AGBL1: variants seen among roughly 807,000 people sequenced by gnomAD.
AGBL1 encodes the protein AGBL carboxypeptidase 1, also known as cytosolic carboxypeptidase 4.
In AGBL1, 130 loss-of-function variants were observed where a neutral mutation model predicts 118.9. That is an observed-to-expected ratio of 1.09 (90% CI 0.95 to 1.26). The LOEUF is 1.26. Ranked by LOEUF, AGBL1 falls within the 50% of genes most tolerant of loss-of-function variation. The pLI is 0.00. For synonymous variants in AGBL1, 555 were observed against 478.9 expected (o/e 1.16, Z -2.08); for missense variants, 1,584 against 1,298.1 (o/e 1.22, Z -3.38).
At chr15:86,817,410 G>T (rs1469424292) in intron 22 of AGBL1, among the ~76,000 whole-genome samples, 1 of 151,184 alleles carries the variant, frequency 6.6e-6, no homozygotes, top group Non-Finnish European at 1.5e-5. Context: ...CGATGTTGTG[G>T]GTTGTGGCCT....
At chr15:86,870,121 G>A (rs888537339) in intron 22 of AGBL1, among the ~76,000 whole-genome samples, 2 of 152,062 alleles carry the variant, frequency 1.3e-5, no homozygotes, top group Non-Finnish European at 2.9e-5. Context: ...AGAGATTCAT[G>A]TTTATAATTG....
intron 22 of AGBL1, among the ~76,000 whole-genome samples, chr15:86,900,027 G>A (rs1005664272): frequency 2.0e-4 from 30 of 152,126 alleles, no homozygotes; most frequent in Non-Finnish European, 1.0e-4. Context: ...TCTTTCTCCC[G>A]TGCTGGATGC....
In AGBL1 at chr15:86,514,009, T is replaced by C. The variant is rs182907868; in HGVS notation, c.2556-8801T>C. The stretch of plus-strand genomic sequence containing the variant: ...CAGGCATTTCTTCAAGCAGCCCTGG[T>C]TTCTTTTATTCAATAATGGTATTTA... On this transcript the variant is annotated intron_variant, in intron 18 of 22. Transcript: ENST00000614907. 1.4e-3 allele frequency among the ~76,000 whole-genome samples: 213 copies of C among 152,144 alleles called. 4 individuals carry two copies. Among genetic ancestry groups the C allele is most frequent in the African/African-American group, 5.0e-3 (208 of 41,550 alleles).
chr15:86,409,748 T>C (rs1465088812), intron 18 of AGBL1, among the ~76,000 whole-genome samples: 1 of 152,168 alleles, frequency 6.6e-6, no homozygotes. Context: ...GAATCATTGA[T>C]CAAGTTGGGG....
intron 22 of AGBL1, among the ~76,000 whole-genome samples, chr15:86,872,095 CACAGAG>C (rs2079737713): frequency 2.0e-5 from 3 of 152,166 alleles, no homozygotes; most frequent in Non-Finnish European, 4.4e-5. Flanking sequence ...AGAACTCAAA[CACAGAG>C]CAGATTCCAA....
intron 22 of AGBL1, among the ~76,000 whole-genome samples, chr15:86,813,121 C>T (rs889413462): frequency 6.6e-5 from 10 of 151,768 alleles, no homozygotes; most frequent in African/African-American, 2.2e-4. Context: ...TGAGGGAGTG[C>T]GTACAAGGAG....
chr15:86,151,846 A>T (rs1194880297), intron 3 of AGBL1, among the ~76,000 whole-genome samples: 1 of 152,224 alleles, frequency 6.6e-6, no homozygotes, highest in Non-Finnish European at 1.5e-5. Context: ...TACAAAATCA[A>T]TGTGCAAAAA....
intron 17 of AGBL1, among the ~76,000 whole-genome samples, chr15:86,365,612 T>G (rs2080874934): frequency 6.6e-6 from 1 of 152,222 alleles, no homozygotes; most frequent in African/African-American, 2.4e-5. Context: ...TTTATCTCTT[T>G]ACAGAGCTGC....
chr15:86,934,935 C>T lies in AGBL1; in HGVS notation c.3222-53052C>T, dbSNP rs572956898. The T allele has an allele frequency of 3.9e-5, 6 of 152,302 alleles. No homozygotes were observed. The South Asian group carries it at 1.0e-3, about 26-fold the overall frequency. 9.4% of individuals were successfully genotyped at this position (152,302 alleles called of 1,614,324 possible). A position where few individuals can be genotyped will look rare whatever the true frequency, so the allele number is the denominator to read the frequency against. On this transcript the variant is annotated intron_variant, in intron 23 of 24. Coordinates refer to the AGBL1 transcript ENST00000441037. Reference sequence around the variant, plus strand: ...ATACTCCAGATATTCTGGATCCATTCTCCTCCTGATATCACACCAAATTTT... The same window carrying T: ...ATACTCCAGATATTCTGGATCCATTTTCCTCCTGATATCACACCAAATTTT...
At chr15:86,277,563 C>T (rs1173016966) in intron 15 of AGBL1, among the ~76,000 whole-genome samples, 1 of 152,030 alleles carries the variant, frequency 6.6e-6, no homozygotes, top group Non-Finnish European at 1.5e-5. Flanking sequence ...TTTTCTCTCT[C>T]TTTCTTGCTG....
chr15:86,581,500 G>T (rs909361043), intron 21 of AGBL1, among the ~76,000 whole-genome samples: 2 of 152,074 alleles, frequency 1.3e-5, no homozygotes, highest in African/African-American at 4.8e-5. Context: ...TCCTAAAAGA[G>T]GCCATTGCAA....
chr15:86,939,154 G>A (rs1055709844), intron 23 of AGBL1: 6 of 152,888 alleles, frequency 3.9e-5, no homozygotes, highest in African/African-American at 1.4e-4. Context: ...ATTGTTCCTG[G>A]GTGTGTCTGT....
At chr15:86,640,325 T>C (rs2142465563) in intron 21 of AGBL1, among the ~76,000 whole-genome samples, 1 of 152,334 alleles carries the variant, frequency 6.6e-6, no homozygotes, top group South Asian at 2.1e-4. Flanking sequence ...TAAATGTTAC[T>C]TACACTTTCT....
intron 18 of AGBL1, among the ~76,000 whole-genome samples, chr15:86,410,842 A>ATT (rs36174307): frequency 6.7e-5 from 5 of 74,672 alleles, no homozygotes; most frequent in East Asian, 6.3e-4. Context: ...ATATATATAT[A>ATT]ATATACTATT....
At chr15:86,398,267 C>T (rs940974704) in intron 18 of AGBL1, among the ~76,000 whole-genome samples, 1 of 152,028 alleles carries the variant, frequency 6.6e-6, no homozygotes, top group Non-Finnish European at 1.5e-5. Context: ...GAGCTGAGGC[C>T]CAGACATCAG....
At chr15:86,905,794 G>A (rs1223966961) in intron 22 of AGBL1, among the ~76,000 whole-genome samples, 2 of 152,170 alleles carry the variant, frequency 1.3e-5, no homozygotes, top group African/African-American at 4.8e-5. Context: ...GGTTCTCAAT[G>A]ACTTGAGCCT....
intron 17 of AGBL1, among the ~76,000 whole-genome samples, chr15:86,344,000 TA>T (rs2080499456): frequency 6.6e-6 from 1 of 152,206 alleles, no homozygotes; most frequent in African/African-American, 2.4e-5. Context: ...TTTCACAAGG[TA>T]GCATATTTTT....
At chr15:86,230,364 T>G (rs544149704) in intron 6 of AGBL1, among the ~76,000 whole-genome samples, 13 of 152,242 alleles carry the variant, frequency 8.5e-5, no homozygotes, top group Middle Eastern at 3.2e-3. Context: ...CAGGTCTTTA[T>G]AAGAATTCTA....
intron 22 of AGBL1, among the ~76,000 whole-genome samples, chr15:86,752,436 C>T (rs2077868366): frequency 6.6e-6 from 1 of 152,080 alleles, no homozygotes; most frequent in Non-Finnish European, 1.5e-5. Flanking sequence ...TTATCTGGTA[C>T]AAAAGGGATT....
Sources: allele counts gnomAD v4.1 joint callset (sites outside exome capture counted in the v4.1 genomes callset), GRCh38; gene constraint gnomAD v4.1.1; transcripts MANE v1.5; gene names NCBI Gene and HGNC (gene_info 2026-07-23, HGNC 2026-07-21).